The following CDH12 variants were observed in gnomAD, a reference collection of about 807,000 sequenced individuals.
CDH12 encodes cadherin-12.
Under a neutral mutation model 74.1 loss-of-function variants are expected in CDH12, and 41 were observed. The ratio of observed to expected loss-of-function variants is 0.55; its 90% CI spans 0.43 to 0.72. The LOEUF (loss-of-function observed/expected upper bound fraction) is 0.72. Among genes scored for constraint, CDH12 ranks in the 30% least tolerant of loss-of-function variants. The pLI is 0.00. For missense variants in CDH12, 945 were observed against 977.2 expected, an observed-to-expected ratio of 0.97 and a Z score of 0.44; for synonymous variants, 399 against 355.0, an observed-to-expected ratio of 1.12 and a Z score of -1.39.
At chr5:22,555,829 C>T (rs1427196212) in intron 1 of CDH12, among the ~76,000 whole-genome samples, 1 of 151,858 alleles carries the variant, frequency 6.6e-6, no homozygotes, top group Non-Finnish European at 1.5e-5. Context: ...TTATTAAAAA[C>T]ATGCATAATT....
chr5:22,145,740 A>C (rs960919240), intron 4 of CDH12, among the ~76,000 whole-genome samples: 1 of 152,096 alleles, frequency 6.6e-6, no homozygotes, highest in Non-Finnish European at 1.5e-5. Flanking sequence ...TTGTTGAATC[A>C]ATAGTTTCGA....
At chr5:22,714,833 T>A (rs1206292207) in intron 1 of CDH12, among the ~76,000 whole-genome samples, 1 of 152,198 alleles carries the variant, frequency 6.6e-6, no homozygotes, top group Non-Finnish European at 1.5e-5. Context: ...AAAATTGAAT[T>A]CTGGGGCTTA....
intron 1 of CDH12, among the ~76,000 whole-genome samples, chr5:22,573,842 A>G (rs923004608): frequency 6.6e-6 from 1 of 152,114 alleles, no homozygotes; most frequent in African/African-American, 2.4e-5. Flanking sequence ...TAGAGGATCA[A>G]TATAGACTAT....
chr5:21,778,961 C>G (rs910029027), intron 11 of CDH12, among the ~76,000 whole-genome samples: 5 of 152,008 alleles, frequency 3.3e-5, no homozygotes, highest in Non-Finnish European at 5.9e-5. Context: ...AATTAATTAT[C>G]TAACAACTTT....
chr5:21,832,837 A>G (rs1374257297), intron 8 of CDH12, among the ~76,000 whole-genome samples: 2 of 104,122 alleles, frequency 1.9e-5, no homozygotes, highest in Non-Finnish European at 3.8e-5. Context: ...TTATAATAAT[A>G]TAAATCATAT....
intron 4 of CDH12, among the ~76,000 whole-genome samples, chr5:22,156,071 T>TAC (rs1748004929): frequency 6.6e-6 from 1 of 152,108 alleles, no homozygotes; most frequent in African/African-American, 2.4e-5. Flanking sequence ...TATATATATA[T>TAC]AAAAGATAAC....
intron 11 of CDH12, chr5:21,774,603 A>C (rs1475337192): frequency 6.6e-6 from 1 of 152,154 alleles, no homozygotes; most frequent in Non-Finnish European, 1.5e-5. Flanking sequence ...AGTACTAATA[A>C]AATATTGGCA....
At chr5:22,780,708 C>T (rs1309167784) in intron 1 of CDH12, among the ~76,000 whole-genome samples, 1 of 152,054 alleles carries the variant, frequency 6.6e-6, no homozygotes, top group Non-Finnish European at 1.5e-5. Context: ...GGGAACACAG[C>T]CAAACCATAT....
chr5:22,727,699 G>A (rs1177260913), intron 1 of CDH12, among the ~76,000 whole-genome samples: 2 of 151,360 alleles, frequency 1.3e-5, no homozygotes, highest in African/African-American at 4.8e-5. Context: ...TATTCTTGGA[G>A]GATATTTTAG....
chr5:22,209,456 C>A (rs1002849631), intron 4 of CDH12, among the ~76,000 whole-genome samples: 6 of 152,178 alleles, frequency 3.9e-5, no homozygotes, highest in African/African-American at 1.4e-4. Flanking sequence ...CGTGAGTTCC[C>A]CTTAACTTCC....
At chr5:22,819,134 T>C (rs574007595) in intron 1 of CDH12, among the ~76,000 whole-genome samples, 1 of 152,292 alleles carries the variant, frequency 6.6e-6, no homozygotes, top group Non-Finnish European at 1.5e-5. Flanking sequence ...ATGTGGTATG[T>C]AAGCATAAAA....
chr5:22,358,263 G>A (rs1328855676), intron 3 of CDH12, among the ~76,000 whole-genome samples: 3 of 152,022 alleles, frequency 2.0e-5, no homozygotes, highest in Non-Finnish European at 2.9e-5. Context: ...ACAAAAATTA[G>A]TTGGGTGTGG....
At chr5:22,437,781 C>G (rs1470152552) in intron 2 of CDH12, among the ~76,000 whole-genome samples, 1 of 151,856 alleles carries the variant, frequency 6.6e-6, no homozygotes, top group Non-Finnish European at 1.5e-5. Flanking sequence ...TTAACTTAGG[C>G]ATTCTCTAAG....
chr5:21,762,516 A>G (rs1744782276), intron 12 of CDH12, among the ~76,000 whole-genome samples: 1 of 152,102 alleles, frequency 6.6e-6, no homozygotes, highest in Admixed American at 6.6e-5. Flanking sequence ...ATATATTACA[A>G]TATATTACAA....
At chr5:21,981,562 T>C (rs1316331368) in intron 5 of CDH12, among the ~76,000 whole-genome samples, 1 of 152,096 alleles carries the variant, frequency 6.6e-6, no homozygotes, top group Non-Finnish European at 1.5e-5. Flanking sequence ...TTTCATAGGA[T>C]CATAGCATTA....
At chr5:22,408,265 G>A (rs988434879) in intron 2 of CDH12, among the ~76,000 whole-genome samples, 1 of 151,058 alleles carries the variant, frequency 6.6e-6, no homozygotes, top group Non-Finnish European at 1.5e-5. Context: ...GAGTTTCAGA[G>A]ACAATTGCTT....
At chr5:21,927,853 A>C (rs2150077897) in intron 6 of CDH12, among the ~76,000 whole-genome samples, 1 of 152,058 alleles carries the variant, frequency 6.6e-6, no homozygotes, top group Middle Eastern at 3.4e-3. Flanking sequence ...GCGGATCGTG[A>C]GGTCAGGTGA....
intron 5 of CDH12, among the ~76,000 whole-genome samples, chr5:22,022,315 C>A (rs549594002): frequency 2.0e-5 from 3 of 151,988 alleles, no homozygotes; most frequent in Non-Finnish European, 4.4e-5. Flanking sequence ...CTCATGAGAT[C>A]TGGTTGTTTA....
At chr5:22,639,390 GT>G (rs888055171) in intron 1 of CDH12, among the ~76,000 whole-genome samples, 1 of 143,206 alleles carries the variant, frequency 7.0e-6, no homozygotes, top group Non-Finnish European at 1.5e-5. Flanking sequence ...GGCTGGGCAA[GT>G]TTTTAAATCT....
Sources: allele counts gnomAD v4.1 joint callset (sites outside exome capture counted in the v4.1 genomes callset), GRCh38; gene constraint gnomAD v4.1.1; transcripts MANE v1.5; gene names NCBI Gene and HGNC (gene_info 2026-07-23, HGNC 2026-07-21).